Variants in METTL16 observed in about 807,000 individuals in gnomAD.
METTL16 encodes methyltransferase 16, RNA N6-adenosine, also known as RNA N(6)-adenosine-methyltransferase METTL16.
A neutral mutation model predicts 57.9 loss-of-function variants in METTL16; 19 were observed. The ratio of observed to expected loss-of-function variants is 0.33; its 90% confidence interval spans 0.23 to 0.48. METTL16 has a LOEUF of 0.48. METTL16 is among the 20% of genes least tolerant of loss of function. The pLI is 0.99. For missense variants in METTL16, 434 were observed against 691.5 expected, an observed-to-expected ratio of 0.63 and a Z score of 4.18; for synonymous variants, 246 against 255.6, an observed-to-expected ratio of 0.96 and a Z score of 0.36.
At chr17:2,422,759 G>A (rs991458033) in intron 8 of METTL16, among the ~76,000 whole-genome samples, 2 of 152,096 alleles carry the variant, frequency 1.3e-5, no homozygotes. Context: ...CGAGGCGGCC[G>A]GATGGATTGA....
Position 2,417,777 on chromosome 17 carries a change from G to A in METTL16, c.*2193C>T, listed in dbSNP as rs2151680530. On this transcript the variant is annotated 3_prime_UTR_variant, in exon 10 of 10. Coordinates refer to ENST00000263092, the MANE Select transcript of METTL16 (RefSeq NM_024086.4). ...ATGTTACAGAAGGTTGGGACTCGGGGTGATTTTGTTGTTTTGACTTTCATT... is the reference window on the plus strand; with the variant it reads ...ATGTTACAGAAGGTTGGGACTCGGGATGATTTTGTTGTTTTGACTTTCATT... 1 of 152,316 alleles carries A rather than the reference G, an allele frequency of 6.6e-6. No homozygotes were observed. The highest frequency in any genetic ancestry group is 1.5e-5 in the Non-Finnish European group (1 of 68,042). 9.4% of individuals were successfully genotyped at this position (152,316 alleles called of 1,614,324 possible). A position where few individuals can be genotyped will look rare whatever the true frequency, so the allele number is the denominator to read the frequency against.
rs563427015 is a variant in METTL16, at chr17:2,508,590, C to A, written c.-1+3169G>T. 1.6e-4 allele frequency among the ~76,000 whole-genome samples: 24 copies of A among 152,230 alleles called. No individual in the cohort carries two copies. In the South Asian group the frequency reaches 4.8e-3, roughly 30 times the overall value. On this transcript the variant is annotated intron_variant, in intron 1 of 9. Coordinates refer to ENST00000263092, the MANE Select transcript of METTL16 (RefSeq NM_024086.4). ...TTCTTGACCTTATCCCACTTTTCAC[C>A]CTTCACAACACCACCTCTCTGGCCC...
chr17:2,487,397 C>T (rs148537723), intron 2 of METTL16, among the ~76,000 whole-genome samples: 155 of 152,228 alleles, frequency 1.0e-3, no homozygotes, highest in African/African-American at 3.4e-3. Context: ...ATATAAAGTG[C>T]GAAGGAAAGA....
intron 4 of METTL16, among the ~76,000 whole-genome samples, chr17:2,468,154 T>C (rs1427371726): frequency 1.3e-5 from 2 of 152,238 alleles, no homozygotes; most frequent in African/African-American, 4.8e-5. Context: ...AGGTGTGTAG[T>C]AGGCTACACC....
intron 2 of METTL16, among the ~76,000 whole-genome samples, chr17:2,483,209 A>G (rs1037672201): frequency 3.3e-5 from 5 of 151,936 alleles, no homozygotes; most frequent in South Asian, 2.1e-4. Context: ...AAGCTTAACC[A>G]AAAGTATCCC....
intron 6 of METTL16, among the ~76,000 whole-genome samples, chr17:2,446,922 G>A (rs969145268): frequency 1.9e-4 from 28 of 151,290 alleles, no homozygotes; most frequent in Non-Finnish European, 2.2e-4. Flanking sequence ...GCGTGATCTC[G>A]GCTCGCTACA....
chr17:2,420,132 T>C lies in METTL16; in HGVS notation c.1527A>G (p.Gly509=). 1.2e-6 allele frequency: 2 copies of C among 1,614,242 alleles called. No homozygotes were observed. Among genetic ancestry groups the C allele is most frequent in the Admixed American group, 1.7e-5 (1 of 60,024 alleles). The change falls in exon 10 of 10, where the codon GGA becomes GGG. Residue 509 remains glycine, a synonymous_variant. Transcript: ENST00000263092. This position sits in a 1 kb window ranked among gnomAD's most constrained non-coding sequence, Gnocchi z 5.4. ...ACTTAAACAGGTACTGTCCGGCCAC[T>C]CCTGGGAGACGTTTCCCCCTTTCAG... ...PVAERGKRLP[G]VAGQYLFKCL...
chr17:2,496,548 T>C (rs1278349985), intron 2 of METTL16, among the ~76,000 whole-genome samples: 1 of 151,820 alleles, frequency 6.6e-6, no homozygotes, highest in Non-Finnish European at 1.5e-5. Flanking sequence ...TAATTTTCCA[T>C]TTTGATGCTT....
rs188175923 is a variant in METTL16 at position 2,482,204 on chromosome 17, T to C, written c.129-4319A>G. On this transcript the variant is annotated intron_variant, in intron 2 of 9. Coordinates refer to ENST00000263092, the MANE Select transcript of METTL16 (RefSeq NM_024086.4). ...AACTACAGTAAGTCTTCACTTAACATTGACAATAGGTTCTTTGACTTTAAG... is the reference window on the plus strand; with the variant it reads ...AACTACAGTAAGTCTTCACTTAACACTGACAATAGGTTCTTTGACTTTAAG... Among the ~76,000 whole-genome samples, 7 of 152,348 alleles carry C rather than the reference T, an allele frequency of 4.6e-5. No homozygotes were observed. The East Asian group carries it at 1.3e-3, about 29-fold the overall frequency.
Position 2,420,975 on chromosome 17 carries a change from A to C in METTL16, c.889-71T>G. 1.3e-6 allele frequency: 2 copies of C among 1,522,544 alleles called. No homozygotes were observed. Among genetic ancestry groups the C allele is most frequent in the Non-Finnish European group, 1.8e-6 (2 of 1,122,476 alleles). 94.3% of individuals were successfully genotyped at this position (1,522,544 alleles called of 1,614,324 possible). A position where few individuals can be genotyped will look rare whatever the true frequency, so the allele number is the denominator to read the frequency against. ...TAATTAAACCTCATGCATTGTAATGAACTCAGAGAAAATTTCCACAACTTC... is the reference window on the plus strand; with the variant it reads ...TAATTAAACCTCATGCATTGTAATGCACTCAGAGAAAATTTCCACAACTTC... On this transcript the variant is annotated intron_variant, in intron 8 of 9. Coordinates refer to ENST00000263092, the MANE Select transcript of METTL16 (RefSeq NM_024086.4). This position sits in a 1 kb window ranked among gnomAD's most constrained non-coding sequence, Gnocchi z 5.4.
At chr17:2,459,232 A>G (rs192065997) in intron 6 of METTL16, among the ~76,000 whole-genome samples, 2 of 152,362 alleles carry the variant, frequency 1.3e-5, no homozygotes, top group Admixed American at 6.5e-5. Context: ...ACAGAGTCCA[A>G]CTGCAGCTTA....
At chr17:2,494,237 G>A (rs1485476954) in intron 2 of METTL16, among the ~76,000 whole-genome samples, 2 of 152,044 alleles carry the variant, frequency 1.3e-5, no homozygotes, top group East Asian at 1.9e-4. Flanking sequence ...GGCCAGGCTG[G>A]TCTCAAACTC....
At chr17:2,446,835 G>C (rs1007556366) in intron 6 of METTL16, among the ~76,000 whole-genome samples, 3 of 152,032 alleles carry the variant, frequency 2.0e-5, no homozygotes, top group Non-Finnish European at 2.9e-5. Flanking sequence ...CGCCAGCCTC[G>C]GCCTCCCGGG....
At chr17:2,445,238 G>A (rs547459131) in intron 6 of METTL16, among the ~76,000 whole-genome samples, 1 of 152,084 alleles carries the variant, frequency 6.6e-6, no homozygotes, top group Admixed American at 6.5e-5. Context: ...ACTGCCCATG[G>A]TATTCAATAC....
chr17:2,426,772 GA>G (rs2066823008), intron 8 of METTL16, among the ~76,000 whole-genome samples: 1 of 143,554 alleles, frequency 7.0e-6, no homozygotes, highest in African/African-American at 2.6e-5. Flanking sequence ...GCAAGGGGAA[GA>G]AAACTATTGC....
At chr17:2,432,913 G>C (rs1005405390) in intron 8 of METTL16, among the ~76,000 whole-genome samples, 3 of 152,208 alleles carry the variant, frequency 2.0e-5, no homozygotes, top group Non-Finnish European at 4.4e-5. Flanking sequence ...GGAAACTGAA[G>C]TTTAGCGAAG....
intron 1 of METTL16, among the ~76,000 whole-genome samples, chr17:2,502,639 G>C (rs1211714730): frequency 6.6e-6 from 1 of 151,666 alleles, no homozygotes; most frequent in African/African-American, 2.4e-5. Context: ...AGTGAGCCGA[G>C]ATCACGCCAT....
At chr17:2,452,735 CTG>C (rs750591520) in intron 6 of METTL16, among the ~76,000 whole-genome samples, 1 of 152,192 alleles carries the variant, frequency 6.6e-6, no homozygotes, top group African/African-American at 2.4e-5. Context: ...TTCCTTCATT[CTG>C]TGTGTATGTG....
At chr17:2,499,835 C>G (rs149054144) in intron 2 of METTL16, among the ~76,000 whole-genome samples, 99 of 152,198 alleles carry the variant, frequency 6.5e-4, no homozygotes, top group African/African-American at 2.3e-3. Context: ...TTCACTAAAA[C>G]CTCCGCCTCC....
Sources: allele counts gnomAD v4.1 joint callset (sites outside exome capture counted in the v4.1 genomes callset), GRCh38; gene constraint gnomAD v4.1.1; non-coding constraint Gnocchi (gnomAD v3.1); transcripts MANE v1.5; gene names NCBI Gene and HGNC (gene_info 2026-07-23, HGNC 2026-07-21).